The following ANK3 variants were observed in gnomAD, a reference collection of about 807,000 sequenced individuals.
ANK3 encodes the protein ankyrin 3.
A neutral mutation model predicts 370.9 loss-of-function variants in ANK3; 57 were observed. The observed-to-expected ratio is 0.15, with a 90% CI of 0.12 to 0.19. The LOEUF is 0.19. Ranked by LOEUF, ANK3 falls within the 10% of genes least tolerant of loss-of-function variation. The pLI, the probability that ANK3 is intolerant of heterozygous loss-of-function variation, is 1.00. For synonymous variants in ANK3, 1,929 were observed against 1,946.3 expected (o/e 0.99, Z 0.23); for missense variants, 4,439 against 5,302.1 (o/e 0.84, Z 5.06).
At chr10:60,106,152 A>T in intron 27 of ANK3, 93 bp from the exon 28 acceptor site, 1 of 1,152,868 alleles carries the variant, frequency 8.7e-7, no homozygotes, top group Non-Finnish European at 1.2e-6. Context: ...TTCATTTGAA[A>T]ATCAGAGGTG....
rs192485834 is a variant in ANK3, at chr10:60,467,290, C to T, written c.96+147896G>A. Among the ~76,000 whole-genome samples, 318 of 152,312 alleles carry T rather than the reference C, an allele frequency of 2.1e-3. 2 individuals are homozygous for T. The highest frequency in any genetic ancestry group is 7.2e-3 in the African/African-American group (301 of 41,570). Reference sequence around the variant, plus strand: ...AAACTCAAACATTTTCACGTAGCCACTGCTTAGGCTTCAACACAGCAATTC... The same window carrying T: ...AAACTCAAACATTTTCACGTAGCCATTGCTTAGGCTTCAACACAGCAATTC... On this transcript the variant is annotated intron_variant, in intron 2 of 43. Coordinates refer to the ANK3 transcript ENST00000373827.
At chr10:60,704,483 T>G (rs2079586202) in intron 1 of ANK3, among the ~76,000 whole-genome samples, 1 of 151,934 alleles carries the variant, frequency 6.6e-6, no homozygotes, top group African/African-American at 2.4e-5. Flanking sequence ...ATCTGAGAAA[T>G]AGAGCTTTTA....
At chr10:60,063,027 T>A in intron 40 of ANK3, 84 bp downstream of exon 40, 2 of 1,364,184 alleles carry the variant, frequency 1.5e-6, no homozygotes, top group Non-Finnish European at 9.8e-7. Flanking sequence ...CACAGTTTAG[T>A]TGCTTTTAAG....
At chr10:60,064,350 A>C in intron 38 of ANK3, 62 bp from the exon 39 acceptor site, 2 of 1,476,592 alleles carry the variant, frequency 1.4e-6, no homozygotes, top group Non-Finnish European at 1.8e-6. Flanking sequence ...CGTTTCATAA[A>C]AGTAATGCTC....
rs191004623 is a variant in ANK3 at position 60,524,576 on chromosome 10, C to T, written c.96+90610G>A. Among the ~76,000 whole-genome samples, 41 of 152,252 alleles carry T rather than the reference C, an allele frequency of 2.7e-4. 1 individual carries two copies. Among genetic ancestry groups the T allele is most frequent in the African/African-American group, 9.6e-4 (40 of 41,562 alleles). On this transcript the variant is annotated intron_variant, in intron 2 of 43. Coordinates refer to the ANK3 transcript ENST00000373827. ...TCTATGTAAGATGTGACTTGCTCCT[C>T]CATGCCTTCCACCATGATTGTCAGG...
At chr10:60,508,836 T>C (rs2076005962) in intron 2 of ANK3, among the ~76,000 whole-genome samples, 1 of 152,166 alleles carries the variant, frequency 6.6e-6, no homozygotes. Flanking sequence ...TACAAGTTAA[T>C]TAGATGCAGA....
chr10:60,073,805 T>C lies in ANK3; in HGVS notation c.7076A>G (p.Tyr2359Cys), dbSNP rs958966819. Reference protein sequence around the residue: ...ETKKHPEKEMYVYQKDLSRGD... With the variant: ...ETKKHPEKEMCVYQKDLSRGD... ...CCGGGATAAGTCTTTCTGATATACA[T>C]ACATTTCTTTTTCTGGATGCTTTTT... The change falls in exon 37 of 44, where the codon TAT becomes TGT. Residue 2359 changes from tyrosine to cysteine, a missense_variant. By Grantham distance (194) the Tyr-to-Cys change is radical. Transcript: ENST00000280772. 1.9e-6 allele frequency: 3 copies of C among 1,613,474 alleles called. No homozygotes were observed. Among genetic ancestry groups the C allele is most frequent in the Admixed American group, 1.7e-5 (1 of 59,948 alleles).
chr10:60,631,886 AC>A (rs1429309077), intron 1 of ANK3, among the ~76,000 whole-genome samples: 1 of 152,222 alleles, frequency 6.6e-6, no homozygotes, highest in Non-Finnish European at 1.5e-5. Flanking sequence ...GGAGTATTTA[AC>A]TATTTATGGT....
At chr10:60,140,795 G>A in intron 23 of ANK3, 1 of 1,011,264 alleles carries the variant, frequency 9.9e-7, no homozygotes, top group Non-Finnish European at 1.2e-6. Context: ...GTAGACTTTC[G>A]GTAATTTGAT....
chr10:60,397,372 A>G (rs1019515017), intron 2 of ANK3, among the ~76,000 whole-genome samples: 1 of 152,180 alleles, frequency 6.6e-6, no homozygotes, highest in African/African-American at 2.4e-5. Context: ...CAATGAACTG[A>G]CTTCCTGCCA....
chr10:60,229,008 A>C (rs1592097750), intron 8 of ANK3, among the ~76,000 whole-genome samples: 1 of 152,182 alleles, frequency 6.6e-6, no homozygotes, highest in African/African-American at 2.4e-5. Flanking sequence ...TGTAGTGTAA[A>C]AACTTTAGGA....
chr10:60,121,188 GTAATTAT>G (rs1355911795), intron 25 of ANK3, among the ~76,000 whole-genome samples: 1 of 152,144 alleles, frequency 6.6e-6, no homozygotes, highest in African/African-American at 2.4e-5. Flanking sequence ...GGAACTGGAG[GTAATTAT>G]GTTAGCTAAA....
chr10:60,073,302 C>T lies in ANK3; in HGVS notation c.7579G>A (p.Val2527Ile), dbSNP rs1231381254. The change falls in exon 37 of 44, where the codon GTA (valine) becomes ATA (isoleucine). Residue 2527 changes from valine to isoleucine, a missense_variant. By Grantham distance (29) the Val-to-Ile change is conservative. Transcript: ENST00000280772. Reference protein sequence around the residue: ...KIYKDVSENGVGKVSKDEHFD... With the variant: ...KIYKDVSENGIGKVSKDEHFD... The stretch of plus-strand genomic sequence containing the variant: ...TGCTCATCTTTAGACACTTTACCTA[C>T]ACCATTTTCAGAAACATCTTTATAG... 1.9e-6 allele frequency: 3 copies of T among 1,614,026 alleles called. No homozygotes were observed. Among genetic ancestry groups the T allele is most frequent in the East Asian group, 2.2e-5 (1 of 44,874 alleles).
At chr10:60,474,298 A>G (rs556738723) in intron 2 of ANK3, among the ~76,000 whole-genome samples, 7 of 152,326 alleles carry the variant, frequency 4.6e-5, no homozygotes, top group African/African-American at 1.4e-4. Context: ...GACATGCTCA[A>G]ACTTTATGGA....
chr10:60,198,433 C>T lies in ANK3; in HGVS notation c.1596G>A (p.Gly532=). The T allele has an allele frequency of 1.2e-6, 2 of 1,614,162 alleles. No homozygotes were observed. Among genetic ancestry groups the T allele is most frequent in the South Asian group, 1.1e-5 (1 of 91,072 alleles). ...GASPNAATTS[G]YTPLHLSARE... is the part of the protein sequence containing the mutation. ...GGGCGGAAAGGTGAAGTGGGGTGTA[C>T]CCAGAAGTTGTGGCTGCATTTGGAG... Residue 532 remains glycine (G), a synonymous_variant, in exon 14 of 44, where the codon GGG becomes GGA. Transcript: ENST00000280772.
At chr10:60,145,849 G>T in intron 23 of ANK3, 1 of 634,946 alleles carries the variant, frequency 1.6e-6, no homozygotes, top group Non-Finnish European at 2.8e-6. Flanking sequence ...TCATATCATT[G>T]CCCAGAACAG....
At chr10:60,611,962 A>G (rs1278499563) in intron 2 of ANK3, among the ~76,000 whole-genome samples, 1 of 152,000 alleles carries the variant, frequency 6.6e-6, no homozygotes, top group African/African-American at 2.4e-5. Context: ...ATTTTTATTG[A>G]CACTCTTATC....
rs1482401648 is a variant in ANK3, at chr10:60,226,138, A to G, written c.897+8550T>C. Reference sequence around the variant, plus strand: ...TAATATATATTATATATTATATACTATATGTGGTAATATATAGTATTATAT... The same window carrying G: ...TAATATATATTATATATTATATACTGTATGTGGTAATATATAGTATTATAT... On this transcript the variant is annotated intron_variant, in intron 8 of 43. Coordinates refer to ENST00000280772, the MANE Select transcript of ANK3 (RefSeq NM_020987.5). 4.4e-5 allele frequency among the ~76,000 whole-genome samples: 6 copies of G among 135,020 alleles called. No individual in the cohort carries two copies. The Admixed American group carries it at 4.8e-4, about 11-fold the overall frequency. 88.6% of individuals were successfully genotyped at this position (135,020 alleles called of 152,430 possible). A position where few individuals can be genotyped will look rare whatever the true frequency, so the allele number is the denominator to read the frequency against.
At chr10:60,728,847 T>C (rs1338566102) in intron 1 of ANK3, among the ~76,000 whole-genome samples, 5 of 152,324 alleles carry the variant, frequency 3.3e-5, no homozygotes, top group South Asian at 2.1e-4. Flanking sequence ...AATTTCATCA[T>C]GTATAAAATG....
Sources: allele counts gnomAD v4.1 joint callset (sites outside exome capture counted in the v4.1 genomes callset), GRCh38; gene constraint gnomAD v4.1.1; transcripts MANE v1.5; gene names NCBI Gene and HGNC (gene_info 2026-07-23, HGNC 2026-07-21).